Variants in OLFM4 observed in about 807,000 individuals in gnomAD.
OLFM4 encodes the protein olfactomedin 4, also known as olfactomedin-4.
A neutral mutation model predicts 25.5 loss-of-function variants in OLFM4; 22 were observed. The ratio of observed to expected loss-of-function variants is 0.86; its 90% CI spans 0.62 to 1.23. OLFM4 has a LOEUF of 1.23. OLFM4 is among the 50% of genes most tolerant of loss of function. The pLI, the probability that OLFM4 is intolerant of heterozygous loss-of-function variation, is 0.00. For missense variants in OLFM4, 594 were observed against 619.4 expected (o/e 0.96, Z 0.44); for synonymous variants, 255 against 237.7 (o/e 1.07, Z -0.67).
In OLFM4 at chr13:53,040,174, CAG is replaced by C. The variant is rs559108230; in HGVS notation, c.358-1734_358-1733del. ...TGGCATTTTCTTTAGAGATCAGACACAGAAAGAACCACCAACTGTGTTTATTA... is the reference window on the plus strand; with the variant it reads ...TGGCATTTTCTTTAGAGATCAGACACAAAGAACCACCAACTGTGTTTATTA... On this transcript the variant is annotated intron_variant, in intron 2 of 4. Coordinates refer to ENST00000219022, the MANE Select transcript of OLFM4 (RefSeq NM_006418.5). 6.5e-4 allele frequency among the ~76,000 whole-genome samples: 99 copies of C among 152,310 alleles called. 1 individual carries two copies. Among genetic ancestry groups the C allele is most frequent in the African/African-American group, 2.1e-3 (88 of 41,568 alleles).
rs545436563 is a variant in OLFM4, at chr13:53,044,092, C to T, written c.730+828C>T. On this transcript the variant is annotated intron_variant, in intron 4 of 4. Transcript: ENST00000219022. ...TAAAATGGGAGAATAATAGTGCCTG[C>T]CTTGCAGGGTGGCTGTGGGGATTAA... Among the ~76,000 whole-genome samples, 40 of 152,278 alleles carry T rather than the reference C, an allele frequency of 2.6e-4. No homozygotes were observed. The South Asian group carries it at 8.1e-3, about 31-fold the overall frequency.
Position 53,050,847 on chromosome 13 carries a change from G to A in OLFM4, c.*76G>A, listed in dbSNP as rs888224501. The A allele has an allele frequency of 4.7e-6, 6 of 1,286,244 alleles. No homozygotes were observed. The Admixed American group carries it at 6.9e-5, about 15-fold the overall frequency. The allele number at this position is 1,286,244 out of a possible 1,614,324, so 79.7% of individuals were successfully genotyped here. On this transcript the variant is annotated 3_prime_UTR_variant, in exon 5 of 5. Coordinates refer to ENST00000219022, the MANE Select transcript of OLFM4 (RefSeq NM_006418.5). ...TTCTCCACTTACTTAGATATCTGCA[G>A]GGGTGTCTAAAAGTGTGTTCATTTT...
intron 1 of OLFM4, among the ~76,000 whole-genome samples, chr13:53,029,554 C>G (rs753851117): frequency 1.3e-5 from 2 of 152,264 alleles, no homozygotes; most frequent in South Asian, 4.1e-4. Context: ...GAGTGAGAGC[C>G]GCAGTGCCCT....
At chr13:53,031,900 C>T (rs534990208) in intron 1 of OLFM4, among the ~76,000 whole-genome samples, 2 of 152,328 alleles carry the variant, frequency 1.3e-5, no homozygotes, top group African/African-American at 4.8e-5. Flanking sequence ...TCTCCCATCC[C>T]CCATGCTTCA....
chr13:53,043,172 G>A lies in OLFM4; in HGVS notation c.638G>A (p.Arg213His), dbSNP rs761937884. 2.1e-5 allele frequency: 34 copies of A among 1,613,266 alleles called. No individual in the cohort carries two copies. The highest frequency in any genetic ancestry group is 1.2e-4 in the Admixed American group (7 of 59,852). Residue 213 changes from arginine to histidine, a missense_variant, in exon 4 of 5, where the codon CGC (arginine) becomes CAC (histidine). Physicochemically the swap from Arg to His is conservative, Grantham distance 29. Transcript: ENST00000219022. ...GACAAAAACAATGTCCTTGCCATTC[G>A]CCGAGAAATCGTGGCTCTGAAGACC... ...TLDKNNVLAIRREIVALKTKL... is the reference protein window; with the variant it reads ...TLDKNNVLAIHREIVALKTKL...
rs1425306754 is a variant in OLFM4 at position 53,050,099 on chromosome 13, G to A, written c.861G>A (p.Leu287=). 1.9e-6 allele frequency: 3 copies of A among 1,613,892 alleles called. No individual in the cohort carries two copies. Among genetic ancestry groups the A allele is most frequent in the South Asian group, 2.2e-5 (2 of 91,074 alleles). Residue 287 remains leucine, a synonymous_variant, in exon 5 of 5, where the codon CTG becomes CTA. Coordinates refer to ENST00000219022, the MANE Select transcript of OLFM4 (RefSeq NM_006418.5). ...CTCCCCAGCATCCAAACAAAGGACT[G>A]TATTGGGTGGCGCCATTGAATACAG... ...DYSPQHPNKG[L]YWVAPLNTDG...
intron 2 of OLFM4, among the ~76,000 whole-genome samples, chr13:53,040,966 T>TA (rs1334932372): frequency 6.6e-6 from 1 of 152,072 alleles, no homozygotes; most frequent in African/African-American, 2.4e-5. Flanking sequence ...CATTAAAAAG[T>TA]AAAAAAATAA....
intron 2 of OLFM4, among the ~76,000 whole-genome samples, chr13:53,039,155 A>G (rs980369374): frequency 3.3e-5 from 5 of 152,234 alleles, no homozygotes; most frequent in Non-Finnish European, 5.9e-5. Context: ...TTGTAGAACA[A>G]CAGCTGCGAT....
rs763535719 is a variant in OLFM4 at position 53,050,446 on chromosome 13, G to C, written c.1208G>C (p.Gly403Ala). 6.2e-7 allele frequency: 1 copy of C among 1,614,004 alleles called. No homozygotes were observed. Among genetic ancestry groups the C allele is most frequent in the Non-Finnish European group, 8.5e-7 (1 of 1,179,962 alleles). Reference sequence around the variant, plus strand: ...ATTTATTCAACTGAAGCCAGCACTGGTAACATGGTGATTAGTAAACTCAAT... The same window carrying C: ...ATTTATTCAACTGAAGCCAGCACTGCTAACATGGTGATTAGTAAACTCAAT... Reference protein sequence around the residue: ...WVIYSTEASTGNMVISKLNDT... With the variant: ...WVIYSTEASTANMVISKLNDT... Residue 403 changes from glycine to alanine, a missense_variant, in exon 5 of 5, where the codon GGT becomes GCT. Transcript: ENST00000219022.
At position 53,051,357 on chromosome 13, in the gene OLFM4, G is replaced by C. The variant is rs1301687838; in HGVS notation, c.*586G>C. The C allele has an allele frequency of 6.6e-6, 1 of 152,100 alleles. No homozygotes were observed. Among genetic ancestry groups the C allele is most frequent in the Non-Finnish European group, 1.5e-5 (1 of 68,028 alleles). The allele number at this position is 152,100 out of a possible 1,614,324, so 9.4% of individuals were successfully genotyped here. ...CATCTGTAAAGTGCTGAGTTTTATG[G>C]AGAGAGGCCTTTTTATGCATTAAAT... On this transcript the variant is annotated 3_prime_UTR_variant, in exon 5 of 5. Transcript: ENST00000219022.
chr13:53,042,408 T>C (rs1954692644), intron 3 of OLFM4, among the ~76,000 whole-genome samples: 1 of 152,186 alleles, frequency 6.6e-6, no homozygotes, highest in African/African-American at 2.4e-5. Flanking sequence ...GGAGCTGGCA[T>C]AAAGTTGAAC....
intron 1 of OLFM4, 113 bp downstream of exon 1, chr13:53,029,153 A>C: frequency 6.8e-7 from 1 of 1,474,664 alleles, no homozygotes; most frequent in African/African-American, 1.4e-5. Context: ...AAGATTTACG[A>C]CTCATTTTGT....
chr13:53,050,207 C>T lies in OLFM4; in HGVS notation c.969C>T (p.Ile323=), dbSNP rs755922079. The part of the protein sequence containing the change: ...LLYINARELR[I]TYGQGSGTAV... ...ATATAAATGCTCGAGAGTTGCGGAT[C>T]ACCTATGGCCAAGGTAGTGGTACAG... The change falls in exon 5 of 5, where the codon ATC becomes ATT. Residue 323 remains isoleucine, a synonymous_variant. Transcript: ENST00000219022. The T allele has an allele frequency of 6.2e-7, 1 of 1,613,994 alleles. No homozygotes were observed.
intron 1 of OLFM4, among the ~76,000 whole-genome samples, chr13:53,031,515 G>A (rs576219393): frequency 6.6e-6 from 1 of 152,294 alleles, no homozygotes; most frequent in African/African-American, 2.4e-5. Flanking sequence ...CCCTCCTGAG[G>A]AGGGGCCTCT....
intron 2 of OLFM4, among the ~76,000 whole-genome samples, chr13:53,035,597 C>T (rs1399965639): frequency 6.6e-6 from 1 of 152,300 alleles, no homozygotes; most frequent in Non-Finnish European, 1.5e-5. Flanking sequence ...TAACTATCCC[C>T]ACTTCCATCC....
chr13:53,043,316 T>C (rs1954697849), intron 4 of OLFM4, 52 bp downstream of exon 4: 1 of 1,429,252 alleles, frequency 7.0e-7, no homozygotes, highest in East Asian at 2.5e-5. Context: ...TAAGGAGCTG[T>C]GAGTGGGGTG....
At position 53,050,716 on chromosome 13, in the gene OLFM4, A is replaced by G. The variant is rs757269267; in HGVS notation, c.1478A>G (p.Tyr493Cys). ...YNPFDQKLYV[Y>C]NDGYLLNYDL... ...CCTTTTGACCAGAAACTTTATGTCT[A>G]TAACGATGGTTACCTTCTGAATTAT... is the stretch of plus-strand genomic sequence containing the variant. The change falls in exon 5 of 5, where the codon TAT becomes TGT. Residue 493 changes from tyrosine (Y) to cysteine (C), a missense_variant. Physicochemically the swap from Tyr to Cys is radical, Grantham distance 194 (BLOSUM62 -2). Coordinates refer to ENST00000219022, the MANE Select transcript of OLFM4 (RefSeq NM_006418.5). The G allele has an allele frequency of 1.6e-5, 25 of 1,611,810 alleles. No individual in the cohort carries two copies. Among genetic ancestry groups the G allele is most frequent in the African/African-American group, 2.7e-5 (2 of 74,840 alleles).
rs1257165627 is a variant in OLFM4 at position 53,028,920 on chromosome 13, A to G, written c.84A>G (p.Pro28=). 3.7e-6 allele frequency: 6 copies of G among 1,614,042 alleles called. No individual in the cohort carries two copies. Among genetic ancestry groups the G allele is most frequent in the Non-Finnish European group, 5.1e-6 (6 of 1,180,030 alleles). ...GGGATTTGGGGGATGTGGGACCTCC[A>G]ATTCCCAGCCCCGGCTTCAGCTCTT... The part of the protein sequence containing the change: ...AAGDLGDVGP[P]IPSPGFSSFP... Residue 28 remains proline, a synonymous_variant, in exon 1 of 5, where the codon CCA becomes CCG. Coordinates refer to ENST00000219022, the MANE Select transcript of OLFM4 (RefSeq NM_006418.5).
chr13:53,043,336 T>C, intron 4 of OLFM4, 72 bp downstream of exon 4: 1 of 1,252,374 alleles, frequency 8.0e-7, no homozygotes, highest in Non-Finnish European at 1.1e-6. Context: ...GGGGAAGGGA[T>C]TGGGGATTGC....
Sources: gnomAD v4.1 joint callset for allele counts (sites outside exome capture counted in the v4.1 genomes callset) on GRCh38, gnomAD v4.1.1 for gene constraint, MANE v1.5 for transcripts, NCBI Gene and HGNC (gene_info 2026-07-23, HGNC 2026-07-21) for gene names.